Variants in TLE1 observed in about 807,000 individuals in gnomAD.
The protein encoded by TLE1 is transducin-like enhancer protein 1.
TLE1 carries 21 observed loss-of-function variants against 89.8 expected under a neutral mutation model. The observed-to-expected ratio is 0.23, with a 90% CI of 0.17 to 0.34. The LOEUF is 0.34. Ranked by LOEUF, TLE1 falls within the 10% of genes least tolerant of loss-of-function variation. The pLI, the probability that TLE1 is intolerant of heterozygous loss-of-function variation, is 1.00. For synonymous variants in TLE1, 447 were observed against 407.6 expected, an observed-to-expected ratio of 1.10 and a Z score of -1.16; for missense variants, 795 against 1,031.2, an observed-to-expected ratio of 0.77 and a Z score of 3.14.
chr9:81,645,984 T>C (rs1413617835), intron 6 of TLE1, among the ~76,000 whole-genome samples: 1 of 152,208 alleles, frequency 6.6e-6, no homozygotes, highest in Non-Finnish European at 1.5e-5. Flanking sequence ...AAATGAAGAA[T>C]ATATAATGCT....
At chr9:81,617,449 G>C (rs559905276) in intron 9 of TLE1, among the ~76,000 whole-genome samples, 1 of 152,344 alleles carries the variant, frequency 6.6e-6, no homozygotes, top group African/African-American at 2.4e-5. Context: ...TGTAATCCCA[G>C]CACTTTGGGA....
At chr9:81,637,324 C>T (rs973728768) in intron 6 of TLE1, among the ~76,000 whole-genome samples, 3 of 152,334 alleles carry the variant, frequency 2.0e-5, no homozygotes, top group African/African-American at 7.2e-5. Flanking sequence ...TGCCACTGCA[C>T]TCCAGCCTGG....
chr9:81,615,927 G>A, intron 11 of TLE1, 55 bp downstream of exon 11: 1 of 1,605,446 alleles, frequency 6.2e-7, no homozygotes, highest in South Asian at 1.1e-5. Flanking sequence ...GAGTCCTCCA[G>A]TCCACAATGA....
intron 4 of TLE1, among the ~76,000 whole-genome samples, chr9:81,670,030 T>C (rs1433255580): frequency 6.6e-6 from 1 of 152,214 alleles, no homozygotes; most frequent in Non-Finnish European, 1.5e-5. Flanking sequence ...AAAATTTAAT[T>C]TGTTCCAACT....
chr9:81,584,779 T>A (rs1334188158), intron 18 of TLE1, among the ~76,000 whole-genome samples: 9 of 152,086 alleles, frequency 5.9e-5, no homozygotes, highest in Non-Finnish European at 1.3e-4. Flanking sequence ...CAACACACGG[T>A]AACCCTCAAA....
At chr9:81,661,825 A>C (rs1372198048) in intron 4 of TLE1, among the ~76,000 whole-genome samples, 2 of 152,188 alleles carry the variant, frequency 1.3e-5, no homozygotes, top group East Asian at 1.9e-4. Flanking sequence ...TTTTGTTGTA[A>C]GTAAGGTAGG....
rs528286084 is a variant in TLE1, at chr9:81,645,769, T to C, written c.372+6445A>G. 1.3e-4 allele frequency among the ~76,000 whole-genome samples: 20 copies of C among 151,994 alleles called. No homozygotes were observed. The East Asian group carries it at 2.7e-3, about 21-fold the overall frequency. On this transcript the variant is annotated intron_variant, in intron 6 of 19. Coordinates refer to ENST00000376499, the MANE Select transcript of TLE1 (RefSeq NM_005077.5). ...AAAAATAAAATAAAATAAAATAAAA[T>C]AAAAATAAATGCTTGAGGGGATAGA... is the stretch of plus-strand genomic sequence containing the variant.
At position 81,651,308 on chromosome 9, in the gene TLE1, C is replaced by T. The variant is rs530712422; in HGVS notation, c.372+906G>A. 3.3e-5 allele frequency among the ~76,000 whole-genome samples: 5 copies of T among 152,186 alleles called. No individual in the cohort carries two copies. In the East Asian group the frequency reaches 7.7e-4, roughly 24 times the overall value. On this transcript the variant is annotated intron_variant, in intron 6 of 19. Coordinates refer to ENST00000376499, the MANE Select transcript of TLE1 (RefSeq NM_005077.5). ...TTCTTTGGCTTAGTGTGGAAGGGGA[C>T]GAACACATGAGAACCATCCCAGGTC...
chr9:81,633,247 T>C, intron 8 of TLE1, 101 bp downstream of exon 8: 1 of 1,577,948 alleles, frequency 6.3e-7, no homozygotes, highest in Admixed American at 1.7e-5. Flanking sequence ...AGTGTGCATG[T>C]CTGTCTGTGC....
chr9:81,608,913 G>A (rs549629294), intron 14 of TLE1, among the ~76,000 whole-genome samples: 6 of 150,506 alleles, frequency 4.0e-5, no homozygotes, highest in Non-Finnish European at 5.9e-5. Flanking sequence ...CTCCAGCCTC[G>A]GCAACGAGTG....
chr9:81,677,794 C>A (rs1396611936), intron 4 of TLE1, among the ~76,000 whole-genome samples: 1 of 152,150 alleles, frequency 6.6e-6, no homozygotes, highest in Non-Finnish European at 1.5e-5. Flanking sequence ...ACTGATTCCA[C>A]TTCATCTAAT....
intron 6 of TLE1, 63 bp from the exon 7 acceptor site, chr9:81,634,364 G>A: frequency 7.5e-7 from 1 of 1,327,034 alleles, no homozygotes; most frequent in Non-Finnish European, 1.0e-6. Flanking sequence ...TGACAGTGAT[G>A]GCGATGGAGG....
At chr9:81,600,997 C>A (rs1830842950) in intron 14 of TLE1, among the ~76,000 whole-genome samples, 1 of 152,212 alleles carries the variant, frequency 6.6e-6, no homozygotes, top group African/African-American at 2.4e-5. Flanking sequence ...GACAATAAAT[C>A]ATGGGATTTC....
chr9:81,676,331 G>GCA (rs1220784027), intron 4 of TLE1, among the ~76,000 whole-genome samples: 1 of 152,152 alleles, frequency 6.6e-6, no homozygotes, highest in Non-Finnish European at 1.5e-5. Flanking sequence ...AAGGAAAGAA[G>GCA]CACATGAAAA....
chr9:81,588,811 C>T (rs111770125), intron 16 of TLE1, among the ~76,000 whole-genome samples: 55 of 152,074 alleles, frequency 3.6e-4, no homozygotes, highest in African/African-American at 2.4e-4. Context: ...TAAAGAACTG[C>T]GTGGGAATTT....
Position 81,687,290 on chromosome 9 carries a change from C to T in TLE1, c.125+44G>A, listed in dbSNP as rs752554163. 4.5e-6 allele frequency: 7 copies of T among 1,548,740 alleles called. No individual in the cohort carries two copies. In the South Asian group the frequency reaches 8.2e-5, roughly 18 times the overall value. On this transcript the variant is annotated intron_variant, in intron 2 of 19. Coordinates refer to ENST00000376499, the MANE Select transcript of TLE1 (RefSeq NM_005077.5). ...GCCACCCGGCTGGGTGCAAGGGGCA[C>T]CGGGACGCCCGCGACCACTCGCATG...
chr9:81,679,066 T>C (rs1833263675), intron 4 of TLE1, among the ~76,000 whole-genome samples: 1 of 152,184 alleles, frequency 6.6e-6, no homozygotes, highest in African/African-American at 2.4e-5. Context: ...GAGAATCACC[T>C]GAACCCAGGA....
intron 2 of TLE1, among the ~76,000 whole-genome samples, 168 bp from the exon 3 acceptor site, chr9:81,686,064 T>A (rs1564089109): frequency 2.0e-5 from 3 of 152,226 alleles, no homozygotes; most frequent in Non-Finnish European, 4.4e-5. Context: ...GGAAAAGGAA[T>A]AATGTGAACA....
At chr9:81,681,053 C>T (rs892854976) in intron 4 of TLE1, among the ~76,000 whole-genome samples, 2 of 152,034 alleles carry the variant, frequency 1.3e-5, no homozygotes, top group Non-Finnish European at 1.5e-5. Context: ...TAAAAACCCA[C>T]TAAAGAACAA....
Sources: allele counts gnomAD v4.1 joint callset (sites outside exome capture counted in the v4.1 genomes callset), GRCh38; gene constraint gnomAD v4.1.1; transcripts MANE v1.5; gene names NCBI Gene and HGNC (gene_info 2026-07-23, HGNC 2026-07-21).